TRIOBP: variants seen among roughly 807,000 people sequenced by gnomAD.
TRIOBP encodes TRIO and F-actin-binding protein.
TRIOBP carries 169 observed loss-of-function variants against 238.8 expected under a neutral mutation model. The ratio of observed to expected loss-of-function variants is 0.71; its 90% CI spans 0.62 to 0.80. The LOEUF (loss-of-function observed/expected upper bound fraction) is 0.80, where lower values mean the gene tolerates loss of function less well. Ranked by LOEUF, TRIOBP falls within the 30% of genes least tolerant of loss-of-function variation. TRIOBP has a pLI of 0.00. For synonymous variants in TRIOBP, 1,150 were observed against 1,274.4 expected (o/e 0.90, Z 2.08); for missense variants, 2,838 against 3,122.6 (o/e 0.91, Z 2.17).
intron 10 of TRIOBP, among the ~76,000 whole-genome samples, chr22:37,739,724 C>T (rs1331588332): frequency 6.6e-6 from 1 of 152,192 alleles, no homozygotes; most frequent in Non-Finnish European, 1.5e-5. Context: ...TGGGCGGGGA[C>T]AGGGGACACT....
chr22:37,704,260 A>G (rs1287971997), intron 3 of TRIOBP, among the ~76,000 whole-genome samples: 1 of 152,152 alleles, frequency 6.6e-6, no homozygotes, highest in Non-Finnish European at 1.5e-5. Context: ...GGATGCGGCT[A>G]TAGTCTCAGT....
intron 17 of TRIOBP, among the ~76,000 whole-genome samples, chr22:37,764,052 T>G (rs1484155468): frequency 1.3e-5 from 2 of 152,218 alleles, no homozygotes; most frequent in African/African-American, 4.8e-5. Flanking sequence ...TCCCTTGAAC[T>G]CTTCGCTTCT....
intron 11 of TRIOBP, 68 bp downstream of exon 11, chr22:37,741,100 G>A: frequency 1.3e-6 from 2 of 1,533,686 alleles, no homozygotes; most frequent in Admixed American, 3.9e-5. Flanking sequence ...GGGAGGAGGG[G>A]GCTGTTAAGC....
intron 2 of TRIOBP, among the ~76,000 whole-genome samples, chr22:37,699,856 AT>A (rs2145808287): frequency 6.7e-6 from 1 of 150,230 alleles, no homozygotes; most frequent in East Asian, 2.0e-4. Flanking sequence ...TCGCTTCTTT[AT>A]TTTCATTTTC....
chr22:37,771,509 C>T, intron 21 of TRIOBP, 141 bp from the exon 22 acceptor site: 1 of 735,584 alleles, frequency 1.4e-6, no homozygotes. Flanking sequence ...AGGAGTCCGC[C>T]TCCAGGATGT....
intron 17 of TRIOBP, among the ~76,000 whole-genome samples, chr22:37,763,780 C>T (rs568864937): frequency 1.3e-5 from 2 of 152,320 alleles, no homozygotes; most frequent in African/African-American, 2.4e-5. Flanking sequence ...CCTGTAACCA[C>T]AGCTACCTAA....
rs368169188 is a variant in TRIOBP, at chr22:37,712,957, AAAATAAATAAATAAATAAAT to A, written c.255-230_255-211del. Among the ~76,000 whole-genome samples the A allele has an allele frequency of 6.5e-5, 9 of 138,388 alleles. No individual in the cohort carries two copies. In the South Asian group the frequency reaches 6.9e-4, roughly 11 times the overall value. 90.8% of individuals were successfully genotyped at this position (138,388 alleles called of 152,430 possible). On this transcript the variant is annotated intron_variant, in intron 4 of 23. Coordinates refer to ENST00000644935, the MANE Select transcript of TRIOBP (RefSeq NM_001039141.3). ...GGGTGACAGAGCGAGACTCTGTCTC[AAAATAAATAAATAAATAAAT>A]AAATAAATAAATAAATAAATAATAA...
At position 37,713,272 on chromosome 22, in the gene TRIOBP, GC is replaced by G. The variant is rs1569035617; in HGVS notation, c.319del (p.Arg107GlyfsTer12). 1 of 1,613,828 alleles carries G rather than the reference GC, an allele frequency of 6.2e-7. No homozygotes were observed. Among genetic ancestry groups the G allele is most frequent in the African/African-American group, 1.3e-5 (1 of 74,934 alleles). On this transcript the variant is annotated frameshift_variant, in exon 5 of 24. Transcript: ENST00000644935. LOFTEE classifies it high-confidence loss of function. The part of the protein sequence containing the change: ...EGPTAAPRSR[S>X]RELEAVPYLE... Reference sequence around the variant, plus strand: ...CCCACAGCTGCCCCCAGGAGCAGGAGCCGGGAGCTTGAGGCAGTACCCTATC... The same window carrying G: ...CCCACAGCTGCCCCCAGGAGCAGGAGCGGGAGCTTGAGGCAGTACCCTATC...
At position 37,725,521 on chromosome 22, in the gene TRIOBP, T is replaced by G; in HGVS notation, c.2965T>G (p.Ser989Ala). Reference protein sequence around the residue: ...SSHNPGHQSTSRTSSPVYPAA... With the variant: ...SSHNPGHQSTARTSSPVYPAA... Reference sequence around the variant, plus strand: ...CCATAACCCAGGCCACCAGAGCACCTCCCGAACTTCCTCACCTGTGTACCC... The same window carrying G: ...CCATAACCCAGGCCACCAGAGCACCGCCCGAACTTCCTCACCTGTGTACCC... Residue 989 changes from serine (S) to alanine (A), a missense_variant, in exon 7 of 24, where the codon TCC becomes GCC. Around this residue, in one of 5 missense-constraint regions of TRIOBP, gnomAD observed 2,096 missense variants for 2,137.4 expected, o/e 0.98. Transcript: ENST00000644935. 2.5e-6 allele frequency: 4 copies of G among 1,613,094 alleles called. No individual in the cohort carries two copies. The highest frequency in any genetic ancestry group is 1.7e-5 in the Admixed American group (1 of 59,974).
rs1924118648 is a variant in TRIOBP, at chr22:37,725,846, A to G, written c.3290A>G (p.Gln1097Arg). ...FLPDTSDAEH[Q>R]CQSPQHEPLQ... is the part of the protein sequence containing the mutation. ...CCAGACACATCAGATGCCGAGCATC[A>G]GTGTCAGTCCCCCCAACACGAGCCC... Residue 1097 changes from glutamine (Q) to arginine (R), a missense_variant, in exon 7 of 24, where the codon CAG becomes CGG. This residue lies in a region of TRIOBP where 2,096 missense variants were observed against 2,137.4 expected (regional missense o/e 0.98). Transcript: ENST00000644935. The G allele has an allele frequency of 6.3e-7, 1 of 1,599,746 alleles. No homozygotes were observed. Among genetic ancestry groups the G allele is most frequent in the Non-Finnish European group, 8.5e-7 (1 of 1,177,524 alleles).
Position 37,726,512 on chromosome 22 carries a change from G to C in TRIOBP, c.3947+9G>C, listed in dbSNP as rs775362436. ...TTCGGGCAAGAGCGCAGGTGAGCCC[G>C]GGGGTGGGGTCAGCCAGGTGGGCTG... On this transcript the variant is annotated intron_variant, in intron 7 of 23. Coordinates refer to ENST00000644935, the MANE Select transcript of TRIOBP (RefSeq NM_001039141.3). 56 of 1,476,170 alleles carry C rather than the reference G, an allele frequency of 3.8e-5. No homozygotes were observed. The highest frequency in any genetic ancestry group is 2.0e-5 in the Non-Finnish European group (22 of 1,119,530). 91.4% of individuals were successfully genotyped at this position (1,476,170 alleles called of 1,614,324 possible). A position where few individuals can be genotyped will look rare whatever the true frequency, so the allele number is the denominator to read the frequency against.
At position 37,735,388 on chromosome 22, in the gene TRIOBP, G is replaced by A. The variant is rs41283241; in HGVS notation, c.5052G>A (p.Thr1684=). Reference sequence around the variant, plus strand: ...CAACTCTGGCAGGCCTGGAGCAGACGGGCCCCCTGGGGAGCAGGAGCACTG... The same window carrying A: ...CAACTCTGGCAGGCCTGGAGCAGACAGGCCCCCTGGGGAGCAGGAGCACTG... ...ATATLAGLEQ[T]GPLGSRSTAK... Residue 1684 remains threonine (T), a synonymous_variant, in exon 9 of 24, where the codon ACG becomes ACA. Transcript: ENST00000644935. 37 of 1,603,826 alleles carry A rather than the reference G, an allele frequency of 2.3e-5. 1 individual carries two copies. The highest frequency in any genetic ancestry group is 3.3e-4 in the Middle Eastern group (2 of 6,066).
At position 37,735,318 on chromosome 22, in the gene TRIOBP, C is replaced by T. The variant is rs1320474291; in HGVS notation, c.4982C>T (p.Ser1661Phe). Residue 1661 changes from serine (S) to phenylalanine (F), a missense_variant, in exon 9 of 24, where the codon TCC becomes TTC. Around this residue, in one of 5 missense-constraint regions of TRIOBP, gnomAD observed 2,096 missense variants for 2,137.4 expected, o/e 0.98. Transcript: ENST00000644935. Reference sequence around the variant, plus strand: ...CAGCTGCCCAGCCCTGCCTGCACCTCCACCCAGTGGCCAAAGATCAAAGTG... The same window carrying T: ...CAGCTGCCCAGCCCTGCCTGCACCTTCACCCAGTGGCCAAAGATCAAAGTG... Reference protein sequence around the residue: ...PVQLPSPACTSTQWPKIKVTR... With the variant: ...PVQLPSPACTFTQWPKIKVTR... The T allele has an allele frequency of 1.2e-6, 2 of 1,613,172 alleles. No individual in the cohort carries two copies. The highest frequency in any genetic ancestry group is 2.2e-5 in the East Asian group (1 of 44,860).
intron 2 of TRIOBP, among the ~76,000 whole-genome samples, chr22:37,700,753 G>A (rs1219585116): frequency 6.6e-6 from 1 of 151,996 alleles, no homozygotes; most frequent in Non-Finnish European, 1.5e-5. Flanking sequence ...GTGCAATGGC[G>A]CAATCTTGGC....
chr22:37,714,027 A>G (rs183101198), intron 5 of TRIOBP, among the ~76,000 whole-genome samples: 23 of 152,328 alleles, frequency 1.5e-4, no homozygotes. Context: ...CTTCATGGCC[A>G]GCTCCATGCT....
chr22:37,713,315 T>C lies in TRIOBP; in HGVS notation c.360T>C (p.Thr120=). ...TACCCTATCTGGAGGGCCTGACCAC[T>C]TCCTTGTGTGGCAGCTGCAACGAGG... ...EAVPYLEGLT[T]SLCGSCNEDP... The change falls in exon 5 of 24, where the codon ACT becomes ACC. Residue 120 remains threonine, a synonymous_variant. Coordinates refer to ENST00000644935, the MANE Select transcript of TRIOBP (RefSeq NM_001039141.3). 6.2e-7 allele frequency: 1 copy of C among 1,614,034 alleles called. No individual in the cohort carries two copies. Among genetic ancestry groups the C allele is most frequent in the Non-Finnish European group, 8.5e-7 (1 of 1,179,936 alleles).
Position 37,734,797 on chromosome 22 carries a change from C to G in TRIOBP, c.4461C>G (p.Ser1487Arg), listed in dbSNP as rs776459628. ...WGGTSREYKESWGQPEAWEEK... is the reference protein window; with the variant it reads ...WGGTSREYKERWGQPEAWEEK... ...GCACTTCCAGGGAGTACAAGGAGAG[C>G]TGGGGGCAGCCAGAGGCCTGGGAGG... The change falls in exon 9 of 24, where the codon AGC becomes AGG. Residue 1487 changes from serine (S) to arginine (R), a missense_variant. This residue lies in a region of TRIOBP where 2,096 missense variants were observed against 2,137.4 expected (regional missense o/e 0.98). Coordinates refer to ENST00000644935, the MANE Select transcript of TRIOBP (RefSeq NM_001039141.3). 51 of 1,612,184 alleles carry G rather than the reference C, an allele frequency of 3.2e-5. No individual in the cohort carries two copies. The highest frequency in any genetic ancestry group is 4.2e-5 in the Non-Finnish European group (49 of 1,179,808).
At chr22:37,771,115 A>T (rs1161052311) in intron 21 of TRIOBP, among the ~76,000 whole-genome samples, 1 of 152,198 alleles carries the variant, frequency 6.6e-6, no homozygotes, top group Non-Finnish European at 1.5e-5. Flanking sequence ...GACTGTCCCC[A>T]TTTACAGATG....
chr22:37,701,574 G>C, intron 3 of TRIOBP, 95 bp downstream of exon 3: 1 of 862,826 alleles, frequency 1.2e-6, no homozygotes, highest in South Asian at 1.4e-5. Flanking sequence ...GTTGAACCCA[G>C]ATGCTGGACT....
Sources: allele counts gnomAD v4.1 joint callset (sites outside exome capture counted in the v4.1 genomes callset), GRCh38; gene constraint gnomAD v4.1.1; regional missense constraint gnomAD v4.1.1; transcripts MANE v1.5; gene names NCBI Gene and HGNC (gene_info 2026-07-23, HGNC 2026-07-21).